Variants in LMO4 observed in about 807,000 individuals in gnomAD.
LMO4 encodes LIM domain only 4.
LMO4 carries 3 observed loss-of-function variants against 18.5 expected under a neutral mutation model. The ratio of observed to expected loss-of-function variants is 0.16; its 90% CI spans 0.07 to 0.42. The LOEUF is 0.42. Among genes scored for constraint, LMO4 ranks in the 10% least tolerant of loss-of-function variants. The pLI is 0.99. For synonymous variants in LMO4, 100 were observed against 88.1 expected, an observed-to-expected ratio of 1.14 and a Z score of -0.76; for missense variants, 121 against 219.9, an observed-to-expected ratio of 0.55 and a Z score of 2.84.
chr1:87,330,494 A>G (rs1650103016), intron 1 of LMO4, among the ~76,000 whole-genome samples: 1 of 152,186 alleles, frequency 6.6e-6, no homozygotes, highest in Non-Finnish European at 1.5e-5. Context: ...CCAAAGTCTC[A>G]GGGTTTTGTT....
At chr1:87,341,820 A>G (rs770114446) in intron 4 of LMO4, among the ~76,000 whole-genome samples, 11 of 152,328 alleles carry the variant, frequency 7.2e-5, no homozygotes, top group South Asian at 2.1e-4. Flanking sequence ...AGGTATTTCA[A>G]GCTTCTTCAA....
intron 2 of LMO4, among the ~76,000 whole-genome samples, chr1:87,332,747 G>T (rs1298133359): frequency 6.6e-6 from 1 of 152,194 alleles, no homozygotes; most frequent in African/African-American, 2.4e-5. Flanking sequence ...TGAGCGGAAG[G>T]CTGTGATTCG....
chr1:87,330,132 T>G (rs924120029), intron 1 of LMO4, among the ~76,000 whole-genome samples: 1 of 152,022 alleles, frequency 6.6e-6, no homozygotes, highest in African/African-American at 2.4e-5. Context: ...ATTAAGGTAT[T>G]GCTTGTCCTT....
At chr1:87,331,712 C>A (rs770206234) in intron 1 of LMO4, 10 of 394,136 alleles carry the variant, frequency 2.5e-5, no homozygotes, top group African/African-American at 4.1e-5. Flanking sequence ...CGCAGCGGAG[C>A]CTGCTCTCGG....
chr1:87,330,639 GTTTT>G (rs199745610), intron 1 of LMO4, among the ~76,000 whole-genome samples: 12 of 151,670 alleles, frequency 7.9e-5, no homozygotes, highest in Admixed American at 2.0e-4. Context: ...TTCCTTCCTC[GTTTT>G]TTTTGCAGCA....
rs754335787 is a variant in LMO4 at position 87,344,917 on chromosome 1, T to G, written c.*121T>G. ...TAGCACCAGTGCCAGCTCCATGCCA[T>G]TGCACCTTCTTTAGTCTTGATTGCC... On this transcript the variant is annotated 3_prime_UTR_variant, in exon 5 of 5. Transcript: ENST00000370544. 54 of 900,410 alleles carry G rather than the reference T, an allele frequency of 6.0e-5. No homozygotes were observed. Among genetic ancestry groups the G allele is most frequent in the Non-Finnish European group, 8.2e-5 (45 of 550,074 alleles). The allele number at this position is 900,410 out of a possible 1,614,324, so 55.8% of individuals were successfully genotyped here.
intron 2 of LMO4, among the ~76,000 whole-genome samples, chr1:87,334,691 G>A (rs1650247720): frequency 6.6e-6 from 1 of 152,124 alleles, no homozygotes; most frequent in Admixed American, 6.5e-5. Flanking sequence ...GGAGAGCTGG[G>A]AAAGGCCGGC....
At chr1:87,331,647 A>C in intron 1 of LMO4, 1 of 211,340 alleles carries the variant, frequency 4.7e-6, no homozygotes, top group Non-Finnish European at 8.9e-6. Flanking sequence ...GGAGGGGAGG[A>C]GGGGGCAGTG....
At position 87,344,818 on chromosome 1, in the gene LMO4, G is replaced by A. The variant is rs56112379; in HGVS notation, c.*22G>A. On this transcript the variant is annotated 3_prime_UTR_variant, in exon 5 of 5. Coordinates refer to ENST00000370544, the MANE Select transcript of LMO4 (RefSeq NM_006769.4). ...CTAAAAGGTCAGAGTAATGCAGAATGCGTGCCTTCATCTCAGATTTGTTCA... is the reference window on the plus strand; with the variant it reads ...CTAAAAGGTCAGAGTAATGCAGAATACGTGCCTTCATCTCAGATTTGTTCA... 2.9e-5 allele frequency: 47 copies of A among 1,613,386 alleles called. No homozygotes were observed. Among genetic ancestry groups the A allele is most frequent in the Non-Finnish European group, 3.7e-5 (44 of 1,179,436 alleles).
intron 2 of LMO4, among the ~76,000 whole-genome samples, chr1:87,337,351 G>A (rs1650344944): frequency 6.6e-6 from 1 of 152,208 alleles, no homozygotes; most frequent in Non-Finnish European, 1.5e-5. Context: ...CTTCGATGTT[G>A]AAGACTTACA....
rs34448167 is a variant in LMO4 at position 87,339,227 on chromosome 1, C to CT, written c.237-297dup. On this transcript the variant is annotated intron_variant, in intron 2 of 4. Coordinates refer to ENST00000370544, the MANE Select transcript of LMO4 (RefSeq NM_006769.4). ...TTTAAACTCCAGTCATGAATTGTAT[C>CT]TTTTTTTTTTTTATGATGAACCTAG... 1.9e-3 allele frequency among the ~76,000 whole-genome samples: 274 copies of CT among 147,812 alleles called. 1 individual carries two copies. The highest frequency in any genetic ancestry group is 7.8e-3 in the South Asian group (36 of 4,636).
Position 87,339,453 on chromosome 1 carries a change from T to C in LMO4, c.237-83T>C, listed in dbSNP as rs957853922. On this transcript the variant is annotated intron_variant, in intron 2 of 4. Transcript: ENST00000370544. ...GCCTGTCAAATGCATTCCAAAGGGATGCCCAGAGTCTGGGGGTGTTTTTCT... is the reference window on the plus strand; with the variant it reads ...GCCTGTCAAATGCATTCCAAAGGGACGCCCAGAGTCTGGGGGTGTTTTTCT... 4.5e-6 allele frequency: 4 copies of C among 895,606 alleles called. No individual in the cohort carries two copies. The Admixed American group carries it at 8.1e-5, about 18-fold the overall frequency. The allele number at this position is 895,606 out of a possible 1,614,324, so 55.5% of individuals were successfully genotyped here. A position where few individuals can be genotyped will look rare whatever the true frequency, so the allele number is the denominator to read the frequency against.
In LMO4 at chr1:87,339,575, G is replaced by C; in HGVS notation, c.276G>C (p.Gln92His). ...GCGGTGCTTGCAGCGCTTGCGGACAGTCGATTCCTGCGAGTGAACTCGTCA... is the reference window on the plus strand; with the variant it reads ...GCGGTGCTTGCAGCGCTTGCGGACACTCGATTCCTGCGAGTGAACTCGTCA... ...GNSGACSACGQSIPASELVMR... is the reference protein window; with the variant it reads ...GNSGACSACGHSIPASELVMR... Residue 92 changes from glutamine (Q) to histidine (H), a missense_variant, in exon 3 of 5, where the codon CAG becomes CAC. Coordinates refer to ENST00000370544, the MANE Select transcript of LMO4 (RefSeq NM_006769.4). The C allele has an allele frequency of 2.5e-6, 4 of 1,614,048 alleles. No individual in the cohort carries two copies. The highest frequency in any genetic ancestry group is 3.4e-6 in the Non-Finnish European group (4 of 1,179,954).
chr1:87,335,838 A>G (rs1650291140), intron 2 of LMO4, among the ~76,000 whole-genome samples: 1 of 151,692 alleles, frequency 6.6e-6, no homozygotes, highest in African/African-American at 2.4e-5. Flanking sequence ...CTCAAGCACA[A>G]TGACAGCACA....
Position 87,347,568 on chromosome 1 carries a change from C to T in LMO4, c.*2772C>T, listed in dbSNP as rs150600446. On this transcript the variant is annotated 3_prime_UTR_variant, in exon 5 of 5. Coordinates refer to ENST00000370544, the MANE Select transcript of LMO4 (RefSeq NM_006769.4). ...TTAGAAAGGACTTATTTAATATTAA[C>T]CACGTCATAGAGCAAGATGGCCCCC... The T allele has an allele frequency of 6.6e-6, 1 of 152,238 alleles. No homozygotes were observed. The highest frequency in any genetic ancestry group is 1.9e-4 in the East Asian group (1 of 5,192). 9.4% of individuals were successfully genotyped at this position (152,238 alleles called of 1,614,324 possible).
Position 87,348,094 on chromosome 1 carries a change from TC to T in LMO4, c.*3299del, listed in dbSNP as rs1650685676. Reference sequence around the variant, plus strand: ...GCTTTAAATGTCAATATAGTAAGATTCTAATGTGCACTACTATTTATATAAA... The same window carrying T: ...GCTTTAAATGTCAATATAGTAAGATTTAATGTGCACTACTATTTATATAAA... On this transcript the variant is annotated 3_prime_UTR_variant, in exon 5 of 5. Transcript: ENST00000370544. The T allele has an allele frequency of 6.6e-6, 1 of 152,238 alleles. No individual in the cohort carries two copies. Among genetic ancestry groups the T allele is most frequent in the Admixed American group, 6.5e-5 (1 of 15,292 alleles). The allele number at this position is 152,238 out of a possible 1,614,324, so 9.4% of individuals were successfully genotyped here.
intron 1 of LMO4, among the ~76,000 whole-genome samples, 183 bp downstream of exon 1, chr1:87,329,427 G>T (rs1650064090): frequency 6.6e-6 from 1 of 152,296 alleles, no homozygotes; most frequent in African/African-American, 2.4e-5. Context: ...GAGCTAGCGC[G>T]GAGGGCAGCC....
chr1:87,340,121 T>C lies in LMO4; in HGVS notation c.408T>C (p.Phe136=), dbSNP rs368050135. 6.2e-6 allele frequency: 10 copies of C among 1,614,068 alleles called. No homozygotes were observed. The highest frequency in any genetic ancestry group is 2.7e-5 in the African/African-American group (2 of 74,926). ...TTCACTACATCAATGGCAGTTTATT[T>C]TGTGAACATGATAGACCTACAGCTC... ...DRFHYINGSL[F]CEHDRPTALI... The change falls in exon 4 of 5, where the codon TTT becomes TTC. Residue 136 remains phenylalanine, a synonymous_variant. Transcript: ENST00000370544.
chr1:87,331,936 C>T (rs1650166401), intron 1 of LMO4, 77 bp from the exon 2 acceptor site: 3 of 1,209,426 alleles, frequency 2.5e-6, no homozygotes, highest in South Asian at 1.3e-5. Context: ...TGGGCTTGCT[C>T]TCTCTCCGGC....
Sources: gnomAD v4.1 joint callset for allele counts (sites outside exome capture counted in the v4.1 genomes callset) on GRCh38, gnomAD v4.1.1 for gene constraint, MANE v1.5 for transcripts, NCBI Gene and HGNC (gene_info 2026-07-23, HGNC 2026-07-21) for gene names.